ERC2: variants seen among roughly 807,000 people sequenced by gnomAD.
The protein encoded by ERC2 is ELKS/RAB6-interacting/CAST family member 2.
A neutral mutation model predicts 114.8 loss-of-function variants in ERC2; 42 were observed. That is an observed-to-expected ratio of 0.37 (90% CI 0.29 to 0.47). ERC2 has a LOEUF of 0.47. Among genes scored for constraint, ERC2 ranks in the 20% least tolerant of loss-of-function variants. ERC2 has a pLI of 0.99. For synonymous variants in ERC2, 454 were observed against 425.5 expected, an observed-to-expected ratio of 1.07 and a Z score of -0.82; for missense variants, 939 against 1,150.7, an observed-to-expected ratio of 0.82 and a Z score of 2.66.
chr3:55,989,571 T>C (rs576782649), intron 11 of ERC2, among the ~76,000 whole-genome samples: 8 of 152,340 alleles, frequency 5.3e-5, no homozygotes, highest in Admixed American at 1.3e-4. Context: ...GCTGCTGTAC[T>C]AGCTTCTTTC....
chr3:55,715,704 AG>A (rs1388348560), intron 15 of ERC2, among the ~76,000 whole-genome samples: 4 of 152,344 alleles, frequency 2.6e-5, no homozygotes, highest in African/African-American at 7.2e-5. Flanking sequence ...ATGATTATTT[AG>A]GAACAGACAT....
At chr3:56,365,343 C>G (rs2059109617) in intron 2 of ERC2, among the ~76,000 whole-genome samples, 1 of 152,210 alleles carries the variant, frequency 6.6e-6, no homozygotes, top group East Asian at 1.9e-4. Flanking sequence ...AGTACAGTAA[C>G]CTGCTATACA....
intron 14 of ERC2, among the ~76,000 whole-genome samples, chr3:55,838,074 T>A (rs1182726683): frequency 1.3e-5 from 2 of 151,722 alleles, no homozygotes; most frequent in African/African-American, 4.8e-5. Flanking sequence ...TCAGGAAACA[T>A]CAAGCAGAAA....
chr3:56,386,471 C>T (rs2059937842), intron 2 of ERC2, among the ~76,000 whole-genome samples: 1 of 152,066 alleles, frequency 6.6e-6, no homozygotes, highest in Non-Finnish European at 1.5e-5. Context: ...TCCTCCAAAC[C>T]CTCTGGAGAA....
At chr3:55,974,622 CA>C (rs1440933174) in intron 12 of ERC2, among the ~76,000 whole-genome samples, 1 of 152,170 alleles carries the variant, frequency 6.6e-6, no homozygotes. Flanking sequence ...CTTAAGCAGG[CA>C]GAAGGATGGA....
intron 2 of ERC2, among the ~76,000 whole-genome samples, chr3:56,329,784 T>C (rs2057521195): frequency 1.4e-5 from 2 of 140,404 alleles, no homozygotes; most frequent in South Asian, 4.4e-4. Context: ...ATATATGTAT[T>C]TCCACTATAT....
At chr3:56,359,741 AC>A (rs1455110960) in intron 2 of ERC2, among the ~76,000 whole-genome samples, 1 of 152,194 alleles carries the variant, frequency 6.6e-6, no homozygotes, top group Non-Finnish European at 1.5e-5. Context: ...AGAAGATTCC[AC>A]CCATGGGGGA....
intron 17 of ERC2, among the ~76,000 whole-genome samples, chr3:55,528,898 G>A (rs2053501535): frequency 6.6e-6 from 1 of 152,174 alleles, no homozygotes; most frequent in Non-Finnish European, 1.5e-5. Context: ...GGAGGGATAT[G>A]GGGATGGGGT....
At chr3:55,902,703 C>T (rs927178058) in intron 13 of ERC2, among the ~76,000 whole-genome samples, 4 of 152,188 alleles carry the variant, frequency 2.6e-5, no homozygotes, top group Non-Finnish European at 5.9e-5. Context: ...CCTCTTTGTA[C>T]CCCAGGGAAG....
chr3:56,018,576 G>C (rs772349878), intron 8 of ERC2, among the ~76,000 whole-genome samples: 18 of 152,184 alleles, frequency 1.2e-4, no homozygotes, highest in African/African-American at 9.7e-5. Flanking sequence ...GGGCTTGCCA[G>C]ATCAGATGGG....
intron 14 of ERC2, among the ~76,000 whole-genome samples, chr3:55,747,195 A>C (rs1303930068): frequency 6.6e-6 from 1 of 152,188 alleles, no homozygotes; most frequent in Non-Finnish European, 1.5e-5. Context: ...GACATTTTTC[A>C]TTCTTTGACT....
intron 4 of ERC2, among the ~76,000 whole-genome samples, chr3:56,172,076 C>G (rs1410205648): frequency 6.7e-6 from 1 of 149,644 alleles, no homozygotes; most frequent in Non-Finnish European, 1.5e-5. Context: ...GGTTTGATTC[C>G]AATGTGAAGT....
At chr3:56,031,226 A>G (rs1252362230) in intron 7 of ERC2, among the ~76,000 whole-genome samples, 1 of 152,202 alleles carries the variant, frequency 6.6e-6, no homozygotes, top group Non-Finnish European at 1.5e-5. Context: ...GCACCCAGAC[A>G]ACAGGCTCAT....
chr3:56,084,409 T>G (rs1215287041), intron 6 of ERC2, among the ~76,000 whole-genome samples: 1 of 152,234 alleles, frequency 6.6e-6, no homozygotes, highest in East Asian at 1.9e-4. Flanking sequence ...TGTATGTGTA[T>G]GTTTATCACA....
intron 7 of ERC2, among the ~76,000 whole-genome samples, chr3:56,040,050 A>T (rs1391205879): frequency 6.6e-6 from 1 of 152,174 alleles, no homozygotes; most frequent in African/African-American, 2.4e-5. Flanking sequence ...CCCAAAGAAA[A>T]CATAAGGAAA....
intron 13 of ERC2, among the ~76,000 whole-genome samples, chr3:55,928,679 T>C (rs1576236076): frequency 6.6e-6 from 1 of 152,354 alleles, no homozygotes; most frequent in Non-Finnish European, 1.5e-5. Context: ...AAGAAATCTT[T>C]GCCCAGTCCA....
At chr3:55,554,488 C>T (rs907598656) in intron 17 of ERC2, among the ~76,000 whole-genome samples, 3 of 152,132 alleles carry the variant, frequency 2.0e-5, no homozygotes, top group African/African-American at 7.2e-5. Flanking sequence ...AGGCTGAAGC[C>T]GGACTCCTAG....
At chr3:56,258,400 G>A (rs568834199) in intron 3 of ERC2, among the ~76,000 whole-genome samples, 33 of 152,328 alleles carry the variant, frequency 2.2e-4, no homozygotes, top group Admixed American at 1.9e-3. Context: ...GCTCACGCCT[G>A]TAATCCCAGC....
intron 2 of ERC2, among the ~76,000 whole-genome samples, chr3:56,330,688 A>G (rs2057569097): frequency 6.6e-6 from 1 of 152,258 alleles, no homozygotes. Context: ...CGCAACAAAA[A>G]TGCACAATGG....
Sources: gnomAD v4.1 joint callset for allele counts (sites outside exome capture counted in the v4.1 genomes callset) on GRCh38, gnomAD v4.1.1 for gene constraint, MANE v1.5 for transcripts, NCBI Gene and HGNC (gene_info 2026-07-23, HGNC 2026-07-21) for gene names.